Variants in STARD3 observed in about 807,000 individuals in gnomAD.
The protein encoded by STARD3 is stAR-related lipid transfer protein 3.
A neutral mutation model predicts 62.0 loss-of-function variants in STARD3; 39 were observed. That is an observed-to-expected ratio of 0.63 (90% CI 0.49 to 0.82). The LOEUF (loss-of-function observed/expected upper bound fraction) is 0.82, where lower values mean the gene tolerates loss of function less well. Ranked by LOEUF, STARD3 falls within the 40% of genes least tolerant of loss-of-function variation. The pLI is 0.00. For synonymous variants in STARD3, 229 were observed against 242.4 expected (o/e 0.94, Z 0.51); for missense variants, 543 against 584.5 (o/e 0.93, Z 0.73).
At chr17:39,654,834 G>A (rs1050389250) in intron 2 of STARD3, among the ~76,000 whole-genome samples, 4 of 152,260 alleles carry the variant, frequency 2.6e-5, no homozygotes, top group African/African-American at 4.8e-5. Flanking sequence ...GAGGTGATGA[G>A]CTCAGAGAAG....
rs2057171580 is a variant in STARD3 at position 39,659,523 on chromosome 17, G to A, written c.765G>A (p.Gln255=). 1 of 1,614,160 alleles carries A rather than the reference G, an allele frequency of 6.2e-7. No homozygotes were observed. The highest frequency in any genetic ancestry group is 8.5e-7 in the Non-Finnish European group (1 of 1,180,020). ...ATAVVDQILA[Q]EENWKFEKNN... ...CAGTGGTGGACCAGATCTTGGCCCA[G>A]GAAGAGAACTGGAAGTTTGAGAAGA... The change falls in exon 9 of 15, where the codon CAG becomes CAA. Residue 255 remains glutamine (Q), a synonymous_variant. Transcript: ENST00000336308.
At chr17:39,656,791 C>T (rs903054317) in intron 2 of STARD3, 8 of 554,934 alleles carry the variant, frequency 1.4e-5, no homozygotes, top group Admixed American at 6.3e-5. Context: ...CCCATCGGGG[C>T]GGCCTGGATC....
intron 1 of STARD3, among the ~76,000 whole-genome samples, chr17:39,649,274 G>C (rs939477667): frequency 1.3e-5 from 2 of 152,208 alleles, no homozygotes; most frequent in African/African-American, 4.8e-5. Flanking sequence ...ATTTGACCCA[G>C]CAATACCACT....
chr17:39,654,426 AGGGCACAGTG>A (rs2057107572), intron 2 of STARD3, among the ~76,000 whole-genome samples: 1 of 152,230 alleles, frequency 6.6e-6, no homozygotes, highest in Non-Finnish European at 1.5e-5. Flanking sequence ...ATAAAAGCAG[AGGGCACAGTG>A]GGAAGCAAAA....
chr17:39,662,734 G>C (rs2057213936), intron 14 of STARD3, 70 bp from the exon 15 acceptor site: 1 of 1,432,900 alleles, frequency 7.0e-7, no homozygotes, highest in East Asian at 2.4e-5. Context: ...CCCCCTGCTG[G>C]TGCCAGCTGC....
At chr17:39,649,003 AGGAG>A (rs1310504923) in intron 1 of STARD3, among the ~76,000 whole-genome samples, 1 of 152,162 alleles carries the variant, frequency 6.6e-6, no homozygotes, top group Non-Finnish European at 1.5e-5. Flanking sequence ...GCAAGGACCA[AGGAG>A]GGAGGGAGGG....
chr17:39,637,320 T>C (rs2056939394), intron 1 of STARD3, 89 bp downstream of exon 1: 1 of 152,356 alleles, frequency 6.6e-6, no homozygotes, highest in Non-Finnish European at 1.5e-5. Context: ...CTGTCCGTGC[T>C]GGGTTCCGTC....
chr17:39,645,295 T>C (rs2057015266), intron 1 of STARD3, among the ~76,000 whole-genome samples: 1 of 152,170 alleles, frequency 6.6e-6, no homozygotes, highest in Non-Finnish European at 1.5e-5. Flanking sequence ...ACCTGGCCTT[T>C]CTATAGATGA....
In STARD3 at chr17:39,660,580, C is replaced by T; in HGVS notation, c.954+54C>T. On this transcript the variant is annotated intron_variant, in intron 11 of 14. Transcript: ENST00000336308. This position sits in a 1 kb window ranked among gnomAD's most constrained non-coding sequence, Gnocchi z 4.8. The stretch of plus-strand genomic sequence containing the variant: ...CACAGATGGGGGCACAGCCACGCCT[C>T]AGTGGGATCACTGAAGCACTCAGCG... 6.3e-7 allele frequency: 1 copy of T among 1,585,074 alleles called. No homozygotes were observed. Among genetic ancestry groups the T allele is most frequent in the Non-Finnish European group, 8.7e-7 (1 of 1,154,760 alleles).
At chr17:39,662,150 C>A in intron 13 of STARD3, 101 bp from the exon 14 acceptor site, 1 of 1,066,778 alleles carries the variant, frequency 9.4e-7, no homozygotes, top group Non-Finnish European at 1.4e-6. Context: ...CCAGCCCAGT[C>A]CCAGCTGGGC....
chr17:39,657,145 T>C, intron 3 of STARD3, 60 bp downstream of exon 3: 1 of 1,507,712 alleles, frequency 6.6e-7, no homozygotes, highest in Admixed American at 1.7e-5. Context: ...GGGAAATGAC[T>C]TCTGCTGGGT....
At chr17:39,638,226 A>C (rs1223370376) in intron 1 of STARD3, among the ~76,000 whole-genome samples, 1 of 152,148 alleles carries the variant, frequency 6.6e-6, no homozygotes, top group Non-Finnish European at 1.5e-5. Flanking sequence ...ATGTATTGTC[A>C]ATTCCCAACA....
intron 7 of STARD3, 88 bp downstream of exon 7, chr17:39,658,908 A>G (rs2057162822): frequency 1.3e-6 from 2 of 1,567,728 alleles, no homozygotes; most frequent in African/African-American, 1.4e-5. Context: ...TATTCCTTCT[A>G]TCAGGCTCCC....
chr17:39,663,638 C>A lies in STARD3; in HGVS notation c.*730C>A, dbSNP rs1218675629. On this transcript the variant is annotated 3_prime_UTR_variant, in exon 15 of 15. Transcript: ENST00000336308. ...CCTGAAACATGCCCCCCATTCCCCC[C>A]CCGCCCACCCCCCACTCCCCGCTTT... 1.4e-5 allele frequency among the ~76,000 whole-genome samples: 2 copies of A among 144,736 alleles called. No homozygotes were observed. Among genetic ancestry groups the A allele is most frequent in the African/African-American group, 5.1e-5 (2 of 39,332 alleles). The allele number at this position is 144,736 out of a possible 152,430, so 95.0% of individuals were successfully genotyped here. A position where few individuals can be genotyped will look rare whatever the true frequency, so the allele number is the denominator to read the frequency against.
chr17:39,641,094 G>A (rs73308323), intron 1 of STARD3, among the ~76,000 whole-genome samples: 1 of 152,204 alleles, frequency 6.6e-6, no homozygotes, highest in African/African-American at 2.4e-5. Context: ...GCGCAGTGGT[G>A]CACACCTGTA....
Position 39,662,972 on chromosome 17 carries a change from T to G in STARD3, c.*64T>G, listed in dbSNP as rs928010724. On this transcript the variant is annotated 3_prime_UTR_variant, in exon 15 of 15. Transcript: ENST00000336308. ...CCACCACTTCCAGAGCCAGAAAGGG[T>G]GCCAGTTGGGCTCGCACTGCCCACA... 6.6e-7 allele frequency: 1 copy of G among 1,515,564 alleles called. No individual in the cohort carries two copies. Among genetic ancestry groups the G allele is most frequent in the East Asian group, 2.4e-5 (1 of 42,470 alleles). 93.9% of individuals were successfully genotyped at this position (1,515,564 alleles called of 1,614,324 possible).
intron 14 of STARD3, 75 bp from the exon 15 acceptor site, chr17:39,662,728 CT>C: frequency 7.2e-7 from 1 of 1,396,398 alleles, no homozygotes. Flanking sequence ...CAGAGCCCCC[CT>C]GCTGGTGCCA....
Position 39,660,623 on chromosome 17 carries a change from G to A in STARD3, c.954+97G>A, listed in dbSNP as rs2057186043. 7.0e-7 allele frequency: 1 copy of A among 1,434,416 alleles called. No homozygotes were observed. Among genetic ancestry groups the A allele is most frequent in the Non-Finnish European group, 9.8e-7 (1 of 1,024,530 alleles). The allele number at this position is 1,434,416 out of a possible 1,614,324, so 88.9% of individuals were successfully genotyped here. ...ACTCAGCGCCTCAGCTGCCCCATCT[G>A]TACAGTGGGTGTGATGGTAACAGTG... On this transcript the variant is annotated intron_variant, in intron 11 of 14. Coordinates refer to ENST00000336308, the MANE Select transcript of STARD3 (RefSeq NM_006804.4). The surrounding 1 kb of genome is among the most constrained non-coding windows in gnomAD (Gnocchi z 4.8).
At chr17:39,653,331 G>C (rs1383931443) in intron 1 of STARD3, 150 bp from the exon 2 acceptor site, 1 of 612,020 alleles carries the variant, frequency 1.6e-6, no homozygotes, top group Non-Finnish European at 2.9e-6. Flanking sequence ...GAGCCAGGCT[G>C]GTGGAGGACA....
Sources: allele counts gnomAD v4.1 joint callset (sites outside exome capture counted in the v4.1 genomes callset), GRCh38; gene constraint gnomAD v4.1.1; non-coding constraint Gnocchi (gnomAD v3.1); transcripts MANE v1.5; gene names NCBI Gene and HGNC (gene_info 2026-07-23, HGNC 2026-07-21).